The following PAN3 variants were observed in gnomAD, a reference collection of about 807,000 sequenced individuals.
The protein encoded by PAN3 is PAN2-PAN3 deadenylation complex subunit PAN3.
In PAN3, 19 loss-of-function variants were observed where a neutral mutation model predicts 96.2. The ratio of observed to expected loss-of-function variants is 0.20; its 90% CI spans 0.14 to 0.29. The LOEUF (loss-of-function observed/expected upper bound fraction) is 0.29, where lower values mean the gene tolerates loss of function less well. PAN3 is among the 10% of genes least tolerant of loss of function. The pLI, the probability that PAN3 is intolerant of heterozygous loss-of-function variation, is 1.00. For missense variants in PAN3, 882 were observed against 1,108.1 expected (o/e 0.80, Z 2.90); for synonymous variants, 433 against 406.6 (o/e 1.06, Z -0.78).
chr13:28,141,086 C>T (rs908755860), intron 1 of PAN3, among the ~76,000 whole-genome samples: 1 of 150,738 alleles, frequency 6.6e-6, no homozygotes, highest in African/African-American at 2.5e-5. Flanking sequence ...TCACAGCAAC[C>T]TCCACCTCCC....
In PAN3 at chr13:28,171,684, C is replaced by A. The variant is rs192499123; in HGVS notation, c.431-2588C>A. ...TTTTCTCTGTGGAGTTGGGGTGTGC[C>A]ACCCTCCTGGCTCATAAATGTGTTC... On this transcript the variant is annotated intron_variant, in intron 1 of 18. Coordinates refer to ENST00000380958, the MANE Select transcript of PAN3 (RefSeq NM_175854.8). 6.0e-3 allele frequency among the ~76,000 whole-genome samples: 911 copies of A among 152,294 alleles called. 10 individuals carry two copies. The highest frequency in any genetic ancestry group is 0.017 in the Middle Eastern group (5 of 294).
At position 28,281,326 on chromosome 13, in the gene PAN3, T is replaced by A. The variant is rs750052536; in HGVS notation, c.2331T>A (p.Asn777Lys). ...IEEDLAKEVQ[N>K]GRLFRLLAKL... ...AAAATGTTTTATAGGAGGTTCAAAA[T>A]GGAAGACTGTTTAGGCTCCTAGCAA... Residue 777 changes from asparagine to lysine, a missense_variant, in exon 17 of 19, where the codon AAT (asparagine) becomes AAA (lysine). Asn to Lys is a moderately conservative substitution (Grantham distance 94, BLOSUM62 0). This residue lies in a region of PAN3 where 76 missense variants were observed against 171.7 expected (regional missense o/e 0.44). Transcript: ENST00000380958. 2 of 1,611,422 alleles carry A rather than the reference T, an allele frequency of 1.2e-6. No individual in the cohort carries two copies. The highest frequency in any genetic ancestry group is 1.7e-6 in the Non-Finnish European group (2 of 1,178,038).
intron 6 of PAN3, chr13:28,239,475 G>A (rs1883445314): frequency 6.1e-6 from 3 of 492,460 alleles, no homozygotes; most frequent in Non-Finnish European, 6.6e-6. Context: ...TTGAAAGGAA[G>A]TTGAACTATT....
At chr13:28,267,447 C>T (rs1014044866) in intron 12 of PAN3, 46 bp downstream of exon 12, 1 of 1,463,950 alleles carries the variant, frequency 6.8e-7, no homozygotes, top group Non-Finnish European at 9.6e-7. Flanking sequence ...AATGCTTTTG[C>T]TCTGTGGAAG....
chr13:28,261,186 C>G (rs1029213585), intron 8 of PAN3, among the ~76,000 whole-genome samples: 2 of 152,196 alleles, frequency 1.3e-5, no homozygotes, highest in African/African-American at 2.4e-5. Flanking sequence ...GGCACATCTA[C>G]TTAAACCCAA....
chr13:28,249,520 C>T lies in PAN3; in HGVS notation c.1001-6772C>T, dbSNP rs185845360. Among the ~76,000 whole-genome samples the T allele has an allele frequency of 2.0e-5, 3 of 152,140 alleles. No individual in the cohort carries two copies. In the East Asian group the frequency reaches 5.8e-4, roughly 29 times the overall value. On this transcript the variant is annotated intron_variant, in intron 6 of 18. Transcript: ENST00000380958. ...CTGGAGTACAGTGGCGTGACCTCGG[C>T]TCACCACAGCCTCCACCTCCTGGGT...
chr13:28,194,369 A>G (rs1877707885), intron 4 of PAN3, among the ~76,000 whole-genome samples: 1 of 150,564 alleles, frequency 6.6e-6, no homozygotes, highest in Admixed American at 6.6e-5. Flanking sequence ...GGTTAATTTT[A>G]GCTCAGAAAT....
At chr13:28,288,879 T>C (rs45472397) in intron 18 of PAN3, among the ~76,000 whole-genome samples, 5,071 of 141,660 alleles carry the variant, frequency 0.036, 317 homozygotes, top group African/African-American at 0.13. Flanking sequence ...CAGGCTGGAG[T>C]GCAGTGGCGC....
intron 4 of PAN3, among the ~76,000 whole-genome samples, chr13:28,180,673 C>T (rs375842722): frequency 2.6e-5 from 4 of 152,164 alleles, no homozygotes; most frequent in African/African-American, 9.6e-5. Flanking sequence ...CTATGCTTAC[C>T]ACTATTTCAT....
chr13:28,166,491 G>A (rs1873555242), intron 1 of PAN3, among the ~76,000 whole-genome samples: 1 of 152,192 alleles, frequency 6.6e-6, no homozygotes, highest in African/African-American at 2.4e-5. Flanking sequence ...ACTCTCACAG[G>A]TTGGAGTCTG....
chr13:28,161,283 T>C (rs1478800384), intron 1 of PAN3, among the ~76,000 whole-genome samples: 2 of 152,224 alleles, frequency 1.3e-5, no homozygotes, highest in East Asian at 1.9e-4. Context: ...TGGATTGCCT[T>C]CTTCTGAGGG....
At chr13:28,181,737 C>T (rs948328145) in intron 4 of PAN3, among the ~76,000 whole-genome samples, 1 of 152,082 alleles carries the variant, frequency 6.6e-6, no homozygotes, top group Non-Finnish European at 1.5e-5. Flanking sequence ...CTAGAGACTT[C>T]TATAACAATT....
At chr13:28,153,385 A>G (rs777479098) in intron 1 of PAN3, among the ~76,000 whole-genome samples, 94 of 151,804 alleles carry the variant, frequency 6.2e-4, no homozygotes, top group Non-Finnish European at 1.8e-4. Flanking sequence ...ATAGGCACCC[A>G]CCACCATGCC....
intron 6 of PAN3, among the ~76,000 whole-genome samples, chr13:28,247,632 T>G (rs1884332996): frequency 6.6e-6 from 1 of 152,238 alleles, no homozygotes; most frequent in Non-Finnish European, 1.5e-5. Flanking sequence ...TATAGCTTCA[T>G]TCTCTGCATG....
chr13:28,170,791 T>C (rs1285911000), intron 1 of PAN3, among the ~76,000 whole-genome samples: 3 of 152,122 alleles, frequency 2.0e-5, no homozygotes, highest in Non-Finnish European at 4.4e-5. Context: ...CGAATGTCTT[T>C]ATTTATTTTT....
chr13:28,220,214 A>G lies in PAN3; in HGVS notation c.853-17A>G, dbSNP rs771391339. 21 of 1,609,264 alleles carry G rather than the reference A, an allele frequency of 1.3e-5. No homozygotes were observed. The South Asian group carries it at 2.3e-4, about 18-fold the overall frequency. On this transcript the variant is annotated splice_polypyrimidine_tract_variant and intron_variant, in intron 5 of 18. Transcript: ENST00000380958. ...GGCTTAAAGTGTGTTAACTTACTAT[A>G]TTTGATTTTTAAATAGACACCAAAT...
At chr13:28,252,077 G>A (rs1884779471) in intron 6 of PAN3, among the ~76,000 whole-genome samples, 1 of 151,766 alleles carries the variant, frequency 6.6e-6, no homozygotes, top group East Asian at 1.9e-4. Flanking sequence ...TAGTAGAGAT[G>A]GGGTTTTGCT....
chr13:28,171,333 A>C (rs1052181573), intron 1 of PAN3, among the ~76,000 whole-genome samples: 1 of 152,038 alleles, frequency 6.6e-6, no homozygotes, highest in Non-Finnish European at 1.5e-5. Context: ...TTTTTCCCAC[A>C]CCAGCCAATT....
At chr13:28,221,207 A>G (rs1881368228) in intron 6 of PAN3, among the ~76,000 whole-genome samples, 1 of 152,180 alleles carries the variant, frequency 6.6e-6, no homozygotes, top group Non-Finnish European at 1.5e-5. Context: ...TTTGGAAAGT[A>G]AGGTGGTATG....
Sources: allele counts gnomAD v4.1 joint callset (sites outside exome capture counted in the v4.1 genomes callset), GRCh38; gene constraint gnomAD v4.1.1; regional missense constraint gnomAD v4.1.1; transcripts MANE v1.5; gene names NCBI Gene and HGNC (gene_info 2026-07-23, HGNC 2026-07-21).